Variants in STK33 observed in about 807,000 individuals in gnomAD.
STK33 encodes serine/threonine-protein kinase 33.
STK33 carries 52 observed loss-of-function variants against 58.0 expected under a neutral mutation model. The ratio of observed to expected loss-of-function variants is 0.90; its 90% CI spans 0.72 to 1.13. The LOEUF is 1.13. Among genes scored for constraint, STK33 ranks in the 50% most tolerant of loss-of-function variants. STK33 has a pLI of 0.00. For missense variants in STK33, 630 were observed against 604.2 expected, an observed-to-expected ratio of 1.04 and a Z score of -0.45; for synonymous variants, 215 against 200.1, an observed-to-expected ratio of 1.07 and a Z score of -0.63.
chr11:8,415,387 C>T (rs971503097), intron 14 of STK33, among the ~76,000 whole-genome samples: 6 of 152,104 alleles, frequency 3.9e-5, no homozygotes, highest in Admixed American at 3.9e-4. Context: ...GACCATGTGC[C>T]TTACTTTGGC....
intron 1 of STK33, among the ~76,000 whole-genome samples, chr11:8,538,296 T>TA (rs1955218291): frequency 6.6e-6 from 1 of 152,160 alleles, no homozygotes; most frequent in Non-Finnish European, 1.5e-5. Context: ...TTACAACAAC[T>TA]CTATGAAGTA....
chr11:8,530,007 G>T (rs1055441293), intron 1 of STK33, among the ~76,000 whole-genome samples: 1 of 152,166 alleles, frequency 6.6e-6, no homozygotes. Flanking sequence ...GAACATGCTG[G>T]TCTTCCTGGC....
At chr11:8,496,100 A>T (rs1321462296) in intron 1 of STK33, among the ~76,000 whole-genome samples, 2 of 152,138 alleles carry the variant, frequency 1.3e-5, no homozygotes, top group Non-Finnish European at 2.9e-5. Flanking sequence ...AGTATAATAA[A>T]AAATTTTTTT....
chr11:8,556,003 G>C (rs1330543930), intron 1 of STK33, among the ~76,000 whole-genome samples: 1 of 152,120 alleles, frequency 6.6e-6, no homozygotes, highest in African/African-American at 2.4e-5. Flanking sequence ...GCCTGGATTT[G>C]GGCAGTCTAA....
intron 10 of STK33, among the ~76,000 whole-genome samples, chr11:8,453,172 C>T (rs552512601): frequency 8.1e-4 from 124 of 152,250 alleles, no homozygotes; most frequent in Middle Eastern, 6.8e-3. Context: ...ATTAAATTCA[C>T]CAGTCTAACA....
chr11:8,386,495 A>C, the STK33 span, among the ~76,000 whole-genome samples: 1 of 152,176 alleles, frequency 6.6e-6, no homozygotes, highest in Non-Finnish European at 1.5e-5. Flanking sequence ...CCAAAACAGC[A>C]ATGAGGATCC....
chr11:8,453,928 A>G (rs939379885), intron 10 of STK33, among the ~76,000 whole-genome samples: 2 of 152,218 alleles, frequency 1.3e-5, no homozygotes, highest in Admixed American at 6.5e-5. Context: ...AAGTTTCACA[A>G]TCCAACTTAG....
At chr11:8,492,189 T>C (rs1950674097) in intron 1 of STK33, among the ~76,000 whole-genome samples, 1 of 152,034 alleles carries the variant, frequency 6.6e-6, no homozygotes, top group Non-Finnish European at 1.5e-5. Flanking sequence ...TGTGCTGTAT[T>C]CAGGAAACCC....
At chr11:8,592,412 A>C (rs942421204) in intron 1 of STK33, among the ~76,000 whole-genome samples, 1 of 152,232 alleles carries the variant, frequency 6.6e-6, no homozygotes, top group Admixed American at 6.5e-5. Flanking sequence ...ATGTGAGTTA[A>C]AATAAGGAGG....
At chr11:8,519,460 A>T (rs1380926441) in intron 1 of STK33, among the ~76,000 whole-genome samples, 2 of 152,196 alleles carry the variant, frequency 1.3e-5, no homozygotes, top group African/African-American at 4.8e-5. Flanking sequence ...ACACATTCAA[A>T]AGCTAGCAGA....
rs1320312918 is a variant in STK33, at chr11:8,449,025, T to G, written c.871+3797A>C. On this transcript the variant is annotated intron_variant, in intron 11 of 15. Transcript: ENST00000687296. Reference sequence around the variant, plus strand: ...GACATTTATGCAGCCAAAAGACACGTGAAAAAATGCTCATCATCACTGGCC... The same window carrying G: ...GACATTTATGCAGCCAAAAGACACGGGAAAAAATGCTCATCATCACTGGCC... 1.1e-4 allele frequency among the ~76,000 whole-genome samples: 17 copies of G among 151,752 alleles called. No homozygotes were observed. In the East Asian group the frequency reaches 3.3e-3, roughly 29 times the overall value.
At chr11:8,397,839 T>C (rs899552980) in intron 15 of STK33, among the ~76,000 whole-genome samples, 4 of 92,168 alleles carry the variant, frequency 4.3e-5, no homozygotes, top group African/African-American at 1.6e-4. Flanking sequence ...GCCGATTCGA[T>C]CAACTGGAAG....
At chr11:8,509,082 C>G (rs1369245483) in intron 1 of STK33, among the ~76,000 whole-genome samples, 1 of 143,850 alleles carries the variant, frequency 7.0e-6, no homozygotes, top group Non-Finnish European at 1.5e-5. Flanking sequence ...TGCCATTGCA[C>G]TCCAGCCTGG....
At chr11:8,416,330 A>T (rs1290838480) in intron 14 of STK33, among the ~76,000 whole-genome samples, 1 of 152,174 alleles carries the variant, frequency 6.6e-6, no homozygotes, top group Admixed American at 6.6e-5. Context: ...GCACTATTTA[A>T]ATGAATCTTA....
intron 1 of STK33, among the ~76,000 whole-genome samples, chr11:8,488,093 A>T (rs1950314779): frequency 6.6e-6 from 1 of 152,192 alleles, no homozygotes; most frequent in Non-Finnish European, 1.5e-5. Context: ...AAGAACTGTC[A>T]TTATTTTACC....
At chr11:8,561,330 C>T (rs915105040) in intron 1 of STK33, among the ~76,000 whole-genome samples, 1 of 152,178 alleles carries the variant, frequency 6.6e-6, no homozygotes, top group Non-Finnish European at 1.5e-5. Context: ...TCCCTGCCTA[C>T]ACACATTCCA....
At chr11:8,345,014 G>A in the STK33 span, among the ~76,000 whole-genome samples, 510 of 152,252 alleles carry the variant, frequency 3.3e-3, 1 homozygote, top group African/African-American at 0.011. Flanking sequence ...TCAGCTCAAC[G>A]TCCCCAGCAG....
intron 1 of STK33, among the ~76,000 whole-genome samples, chr11:8,567,626 G>C (rs1957537986): frequency 6.6e-6 from 1 of 152,158 alleles, no homozygotes. Flanking sequence ...AAAATCAGAA[G>C]CACATAACTA....
intron 11 of STK33, among the ~76,000 whole-genome samples, chr11:8,441,112 G>C (rs939482492): frequency 6.6e-6 from 1 of 152,148 alleles, no homozygotes; most frequent in Non-Finnish European, 1.5e-5. Context: ...GCCTTAAGTA[G>C]ATGTAACATA....
Sources: allele counts gnomAD v4.1 joint callset (sites outside exome capture counted in the v4.1 genomes callset), GRCh38; gene constraint gnomAD v4.1.1; transcripts MANE v1.5; gene names NCBI Gene and HGNC (gene_info 2026-07-23, HGNC 2026-07-21).